TMEM161B: variants seen among roughly 807,000 people sequenced by gnomAD.
TMEM161B encodes transmembrane protein 161B.
TMEM161B carries 34 observed loss-of-function variants against 61.8 expected under a neutral mutation model. The observed-to-expected ratio is 0.55, with a 90% CI of 0.42 to 0.73. The LOEUF is 0.73. Ranked by LOEUF, TMEM161B falls within the 30% of genes least tolerant of loss-of-function variation. The pLI is 0.00. For synonymous variants in TMEM161B, 167 were observed against 192.8 expected (o/e 0.87, Z 1.11); for missense variants, 456 against 558.5 (o/e 0.82, Z 1.85).
chr5:88,264,466 C>T (rs530816116), intron 1 of TMEM161B, among the ~76,000 whole-genome samples: 10 of 152,248 alleles, frequency 6.6e-5, no homozygotes, highest in East Asian at 3.9e-4. Flanking sequence ...GAAATAGGAA[C>T]GCTTTTACAC....
At chr5:88,222,915 C>T (rs1009232277) in intron 4 of TMEM161B, among the ~76,000 whole-genome samples, 1 of 152,006 alleles carries the variant, frequency 6.6e-6, no homozygotes, top group Non-Finnish European at 1.5e-5. Context: ...CCCATACTTT[C>T]ACCTAATCAC....
intron 1 of TMEM161B, among the ~76,000 whole-genome samples, chr5:88,267,196 C>T (rs1756495329): frequency 6.6e-6 from 1 of 152,134 alleles, no homozygotes; most frequent in Non-Finnish European, 1.5e-5. Flanking sequence ...AATTTCTAGA[C>T]CCCAGATTCT....
intron 1 of TMEM161B, among the ~76,000 whole-genome samples, chr5:88,263,424 A>G (rs1266066747): frequency 1.3e-5 from 2 of 152,200 alleles, no homozygotes; most frequent in Non-Finnish European, 2.9e-5. Context: ...AAACAAATGA[A>G]TGATTTAAGA....
At chr5:88,240,743 T>C in intron 2 of TMEM161B, 70 bp downstream of exon 2, 1 of 1,168,830 alleles carries the variant, frequency 8.6e-7, no homozygotes, top group Non-Finnish European at 1.3e-6. Flanking sequence ...AAACAGTAAC[T>C]AGGAATTTAA....
At chr5:88,229,450 T>C (rs1263612770) in intron 2 of TMEM161B, among the ~76,000 whole-genome samples, 2 of 151,436 alleles carry the variant, frequency 1.3e-5, no homozygotes, top group Non-Finnish European at 2.9e-5. Flanking sequence ...TGTGGACACA[T>C]TACTCATCAA....
At position 88,199,304 on chromosome 5, in the gene TMEM161B, T is replaced by C; in HGVS notation, c.915-154A>G. 5.0e-6 allele frequency: 3 copies of C among 600,850 alleles called. No individual in the cohort carries two copies. In the South Asian group the frequency reaches 1.0e-4, roughly 20 times the overall value. The allele number at this position is 600,850 out of a possible 1,614,324, so 37.2% of individuals were successfully genotyped here. Reference sequence around the variant, plus strand: ...TCTGACTCTGCCATAGACTTAACTGTATAATACTTTAACTTGAATAACAGA... The same window carrying C: ...TCTGACTCTGCCATAGACTTAACTGCATAATACTTTAACTTGAATAACAGA... On this transcript the variant is annotated intron_variant, in intron 9 of 11. Transcript: ENST00000296595.
intron 1 of TMEM161B, among the ~76,000 whole-genome samples, chr5:88,248,493 T>C (rs1753908039): frequency 6.6e-6 from 1 of 152,008 alleles, no homozygotes; most frequent in Non-Finnish European, 1.5e-5. Flanking sequence ...CAGATAACAC[T>C]ACACAAAACA....
intron 1 of TMEM161B, among the ~76,000 whole-genome samples, chr5:88,267,745 C>T (rs569492437): frequency 6.6e-6 from 1 of 152,310 alleles, no homozygotes; most frequent in East Asian, 1.9e-4. Flanking sequence ...CCATACCCCC[C>T]TACCCCTTGT....
intron 8 of TMEM161B, 93 bp from the exon 9 acceptor site, chr5:88,203,168 G>A: frequency 2.7e-6 from 2 of 729,406 alleles, no homozygotes; most frequent in African/African-American, 3.5e-5. Context: ...GGAGGTAGGA[G>A]CTTATTTGCA....
At chr5:88,221,537 C>A in intron 4 of TMEM161B, 1 of 357,374 alleles carries the variant, frequency 2.8e-6, no homozygotes, top group Non-Finnish European at 5.5e-6. Flanking sequence ...ACCTCTTATA[C>A]CCTATTTTGT....
At chr5:88,218,399 T>C (rs1422468891) in intron 5 of TMEM161B, among the ~76,000 whole-genome samples, 7 of 152,026 alleles carry the variant, frequency 4.6e-5, no homozygotes, top group Admixed American at 4.6e-4. Context: ...AAACAGACCC[T>C]AAATAAGGCA....
chr5:88,259,476 T>A (rs1409782458), intron 1 of TMEM161B: 1 of 152,308 alleles, frequency 6.6e-6, no homozygotes, highest in East Asian at 1.9e-4. Flanking sequence ...ACTCACTAAG[T>A]GCTTACACTG....
chr5:88,214,917 G>A lies in TMEM161B; in HGVS notation c.446+5646C>T, dbSNP rs570361085. Reference sequence around the variant, plus strand: ...AGAGCTGATGACAAGAGAAGACTCAGTTCTAGGTTTCAGGGTTCAAGGTTT... The same window carrying A: ...AGAGCTGATGACAAGAGAAGACTCAATTCTAGGTTTCAGGGTTCAAGGTTT... On this transcript the variant is annotated intron_variant, in intron 5 of 11. Transcript: ENST00000296595. Among the ~76,000 whole-genome samples, 23 of 152,346 alleles carry A rather than the reference G, an allele frequency of 1.5e-4. No homozygotes were observed. In the South Asian group the frequency reaches 2.1e-3, roughly 14 times the overall value.
chr5:88,253,527 G>C (rs755403102), intron 1 of TMEM161B, among the ~76,000 whole-genome samples: 3 of 152,160 alleles, frequency 2.0e-5, no homozygotes, highest in Non-Finnish European at 4.4e-5. Context: ...AAGACAAGGA[G>C]AACAAATGGC....
intron 1 of TMEM161B, among the ~76,000 whole-genome samples, chr5:88,261,951 T>A (rs1298341583): frequency 1.3e-5 from 2 of 152,060 alleles, no homozygotes; most frequent in Admixed American, 1.3e-4. Context: ...ACAATTAAAA[T>A]CTGCTCTGTA....
At position 88,195,940 on chromosome 5, in the gene TMEM161B, T is replaced by C. The variant is rs1646288482; in HGVS notation, c.*271A>G. 8.6e-7 allele frequency: 1 copy of C among 1,163,180 alleles called. No homozygotes were observed. The highest frequency in any genetic ancestry group is 1.1e-6 in the Non-Finnish European group (1 of 942,224). The allele number at this position is 1,163,180 out of a possible 1,614,324, so 72.1% of individuals were successfully genotyped here. ...CTGTAAACCAGGGTAATCAGAAATA[T>C]TACCCTTGTAGATAGCCCTCTCATA... On this transcript the variant is annotated 3_prime_UTR_variant, in exon 12 of 12. Transcript: ENST00000296595.
At chr5:88,203,599 G>T (rs1038248989) in intron 8 of TMEM161B, among the ~76,000 whole-genome samples, 1 of 151,512 alleles carries the variant, frequency 6.6e-6, no homozygotes, top group Non-Finnish European at 1.5e-5. Flanking sequence ...ATGGCAGACG[G>T]AACCTACTGC....
chr5:88,245,754 A>G (rs113705119), intron 1 of TMEM161B, among the ~76,000 whole-genome samples: 154 of 152,094 alleles, frequency 1.0e-3, no homozygotes, highest in African/African-American at 3.6e-3. Flanking sequence ...CCCTTCCTCC[A>G]AATCACCAAA....
intron 2 of TMEM161B, among the ~76,000 whole-genome samples, chr5:88,237,751 A>T (rs116535989): frequency 0.024 from 3,707 of 152,248 alleles, 124 homozygotes; most frequent in African/African-American, 0.083. Flanking sequence ...TTAAAAGAAC[A>T]GTCTAAAAAA....
Sources: allele counts gnomAD v4.1 joint callset (sites outside exome capture counted in the v4.1 genomes callset), GRCh38; gene constraint gnomAD v4.1.1; transcripts MANE v1.5; gene names NCBI Gene and HGNC (gene_info 2026-07-23, HGNC 2026-07-21).